The following CACNA1C variants were observed in gnomAD, a reference collection of about 807,000 sequenced individuals.
CACNA1C encodes the protein voltage-dependent L-type calcium channel subunit alpha-1C.
In CACNA1C, 30 loss-of-function variants were observed where a neutral mutation model predicts 229.0. The observed-to-expected ratio is 0.13, with a 90% CI of 0.10 to 0.18. The LOEUF is 0.18. Among genes scored for constraint, CACNA1C ranks in the 10% least tolerant of loss-of-function variants. The pLI is 1.00. For synonymous variants in CACNA1C, 1,114 were observed against 1,132.5 expected, an observed-to-expected ratio of 0.98 and a Z score of 0.33; for missense variants, 1,658 against 2,845.0, an observed-to-expected ratio of 0.58 and a Z score of 9.49.
intron 3 of CACNA1C, among the ~76,000 whole-genome samples, chr12:2,294,264 C>T (rs796189902): frequency 2.0e-4 from 31 of 152,184 alleles, no homozygotes; most frequent in African/African-American, 6.7e-4. Context: ...CAGGAGTCAG[C>T]GAGAAGACAT....
intron 3 of CACNA1C, among the ~76,000 whole-genome samples, chr12:2,185,843 A>G (rs1024196757): frequency 6.6e-6 from 1 of 151,998 alleles, no homozygotes; most frequent in African/African-American, 2.4e-5. Flanking sequence ...TTCCTCCTGC[A>G]CCACGTGTCT....
intron 5 of CACNA1C, among the ~76,000 whole-genome samples, chr12:2,465,623 A>G (rs58169681): frequency 0.016 from 2,419 of 152,298 alleles, 69 homozygotes; most frequent in African/African-American, 0.056. Context: ...TGGGTCTTGG[A>G]TGGCACACCA....
chr12:2,625,677 A>C (rs1162497771), intron 29 of CACNA1C, among the ~76,000 whole-genome samples: 1 of 152,032 alleles, frequency 6.6e-6, no homozygotes, highest in Non-Finnish European at 1.5e-5. Context: ...GGGGCCAGGC[A>C]CAGTGGCTCA....
chr12:2,436,511 G>T (rs562614751), intron 3 of CACNA1C, among the ~76,000 whole-genome samples: 1 of 152,198 alleles, frequency 6.6e-6, no homozygotes, highest in Non-Finnish European at 1.5e-5. Context: ...TTGGCTGGGG[G>T]TTTGGGCTGA....
At chr12:2,248,168 T>C (rs1318001984) in intron 3 of CACNA1C, among the ~76,000 whole-genome samples, 1 of 152,198 alleles carries the variant, frequency 6.6e-6, no homozygotes, top group African/African-American at 2.4e-5. Context: ...ATTAAGAATC[T>C]CCTCTCCTAT....
rs957119379 is a variant in CACNA1C, at chr12:2,690,936, G to A, written c.6154G>A (p.Asp2052Asn). Residue 2052 changes from aspartate (D) to asparagine (N), a missense_variant, in exon 47 of 47, where the codon GAT (aspartate) becomes AAT (asparagine). Coordinates refer to ENST00000399655, the MANE Select transcript of CACNA1C (RefSeq NM_000719.7). ...AGAAGGACTGGGGCAGTTTGCTCAA[G>A]ATCCCAAGTTCATCGAGGTCACCAC... ...ISEGLGQFAQDPKFIEVTTQE... is the reference protein window; with the variant it reads ...ISEGLGQFAQNPKFIEVTTQE... 6.3e-7 allele frequency: 1 copy of A among 1,593,186 alleles called. No homozygotes were observed. Among genetic ancestry groups the A allele is most frequent in the Non-Finnish European group, 8.6e-7 (1 of 1,168,654 alleles).
Position 2,679,738 on chromosome 12 carries a change from C to A in CACNA1C, c.5386C>A (p.Pro1796Thr), listed in dbSNP as rs760430207. 5.0e-6 allele frequency: 8 copies of A among 1,598,618 alleles called. No individual in the cohort carries two copies. The South Asian group carries it at 9.0e-5, about 18-fold the overall frequency. The change falls in exon 42 of 47, where the codon CCC (proline) becomes ACC (threonine). Residue 1796 changes from proline to threonine, a missense_variant. Physicochemically the swap from Pro to Thr is conservative, Grantham distance 38 (BLOSUM62 -1). Coordinates refer to ENST00000399655, the MANE Select transcript of CACNA1C (RefSeq NM_000719.7). The surrounding 1 kb of genome is among the most constrained non-coding windows in gnomAD (Gnocchi z 5.5). ...GGTCAGCACTGTGGAGGGCCACGGG[C>A]CCCCCTTGTCCCCTGCCATCCGGGT... is the stretch of plus-strand genomic sequence containing the variant. ...STVSTVEGHGPPLSPAIRVQE... is the reference protein window; with the variant it reads ...STVSTVEGHGTPLSPAIRVQE...
intron 9 of CACNA1C, among the ~76,000 whole-genome samples, chr12:2,539,073 A>G (rs2099862726): frequency 6.6e-6 from 1 of 152,220 alleles, no homozygotes; most frequent in Admixed American, 6.5e-5. Context: ...CCCCTTGGGC[A>G]CCTAACTTCA....
chr12:2,499,284 G>A (rs542507386), intron 7 of CACNA1C, among the ~76,000 whole-genome samples: 8 of 152,296 alleles, frequency 5.3e-5, no homozygotes, highest in East Asian at 1.9e-4. Context: ...GTAAAGCACC[G>A]TGGCTTTCAC....
rs1401115380 is a variant in CACNA1C at position 2,410,721 on chromosome 12, C to G, written c.478-38255C>G. On this transcript the variant is annotated intron_variant, in intron 3 of 46. Coordinates refer to ENST00000399655, the MANE Select transcript of CACNA1C (RefSeq NM_000719.7). The surrounding 1 kb of genome is among the most constrained non-coding windows in gnomAD (Gnocchi z 5.3). ...GCCTGTGTGTGTGTGTGTGCGTGCA[C>G]GCATGTGTGTGTGTGCATGCGTGTG... 7.6e-6 allele frequency among the ~76,000 whole-genome samples: 1 copy of G among 131,268 alleles called. No individual in the cohort carries two copies. The highest frequency in any genetic ancestry group is 3.0e-5 in the African/African-American group (1 of 33,882). 86.1% of individuals were successfully genotyped at this position (131,268 alleles called of 152,430 possible).
rs2095985818 is a variant in CACNA1C, at chr12:2,664,817, C to G, written c.4233-8C>G. On this transcript the variant is annotated splice_polypyrimidine_tract_variant and splice_region_variant and intron_variant, in intron 34 of 46. Coordinates refer to ENST00000399655, the MANE Select transcript of CACNA1C (RefSeq NM_000719.7). ...GGCTGCATGAACGTGGCTCTCCCTC[C>G]CCTCCAGGTGTGCCACCGGGGAGGC... 1 of 1,568,918 alleles carries G rather than the reference C, an allele frequency of 6.4e-7. No homozygotes were observed. Among genetic ancestry groups the G allele is most frequent in the African/African-American group, 1.4e-5 (1 of 74,068 alleles).
At chr12:2,218,220 C>G (rs1330283221) in intron 3 of CACNA1C, among the ~76,000 whole-genome samples, 2 of 152,220 alleles carry the variant, frequency 1.3e-5, no homozygotes, top group African/African-American at 2.4e-5. Context: ...ATGCAGGGCC[C>G]TCAGTGGATG....
In CACNA1C at chr12:2,543,769, C is replaced by T. The variant is rs143804912; in HGVS notation, c.1391-6174C>T. Among the ~76,000 whole-genome samples, 393 of 152,218 alleles carry T rather than the reference C, an allele frequency of 2.6e-3. 4 individuals are homozygous for T. Among genetic ancestry groups the T allele is most frequent in the African/African-American group, 9.2e-3 (383 of 41,528 alleles). On this transcript the variant is annotated intron_variant, in intron 9 of 46. Coordinates refer to ENST00000399655, the MANE Select transcript of CACNA1C (RefSeq NM_000719.7). Reference sequence around the variant, plus strand: ...CATGCAGGTGACTGCCAACTTGGCCCCCATGAAAGACCAGCCCTGGTCAAA... The same window carrying T: ...CATGCAGGTGACTGCCAACTTGGCCTCCATGAAAGACCAGCCCTGGTCAAA...
chr12:2,303,699 C>A (rs1417911581), intron 3 of CACNA1C, among the ~76,000 whole-genome samples: 1 of 152,192 alleles, frequency 6.6e-6, no homozygotes, highest in Non-Finnish European at 1.5e-5. Flanking sequence ...TTGGTGGGGA[C>A]ACATTCAGCC....
chr12:2,069,548 G>T (rs2060477238), intron 1 of CACNA1C, among the ~76,000 whole-genome samples: 1 of 152,198 alleles, frequency 6.6e-6, no homozygotes, highest in African/African-American at 2.4e-5. Flanking sequence ...AGCCATATCT[G>T]GGAGCAGGAA....
At chr12:2,190,311 A>G (rs973378448) in intron 3 of CACNA1C, among the ~76,000 whole-genome samples, 2 of 152,188 alleles carry the variant, frequency 1.3e-5, no homozygotes, top group African/African-American at 2.4e-5. Context: ...GCGTTCTCCC[A>G]GGTAAGGTTT....
chr12:2,449,146 A>G (rs1342633198), intron 4 of CACNA1C, 31 bp downstream of exon 4: 3 of 1,474,650 alleles, frequency 2.0e-6, no homozygotes, highest in African/African-American at 2.9e-5. Context: ...CTTTCCCTTT[A>G]TCTTACCAGT....
At chr12:2,154,415 C>T (rs1022656526) in intron 3 of CACNA1C, among the ~76,000 whole-genome samples, 7 of 152,226 alleles carry the variant, frequency 4.6e-5, no homozygotes, top group Non-Finnish European at 8.8e-5. Flanking sequence ...TCTTCCTGCT[C>T]CCTGCCCCAC....
chr12:2,255,084 G>A (rs1467950914), intron 3 of CACNA1C, among the ~76,000 whole-genome samples: 14 of 152,132 alleles, frequency 9.2e-5, no homozygotes, highest in Admixed American at 8.5e-4. Flanking sequence ...CTGTGGATGC[G>A]TAGAGCTTGG....
Sources: gnomAD v4.1 joint callset for allele counts (sites outside exome capture counted in the v4.1 genomes callset) on GRCh38, gnomAD v4.1.1 for gene constraint, Gnocchi (gnomAD v3.1) non-coding constraint, MANE v1.5 for transcripts, NCBI Gene and HGNC (gene_info 2026-07-23, HGNC 2026-07-21) for gene names.